Variants in NALF1 observed in about 807,000 individuals in gnomAD.
The protein encoded by NALF1 is NALCN channel auxiliary factor 1, also known as family with sequence similarity 155 member A.
A neutral mutation model predicts 48.4 loss-of-function variants in NALF1; 3 were observed. That is an observed-to-expected ratio of 0.06 (90% CI 0.03 to 0.16). The LOEUF (loss-of-function observed/expected upper bound fraction) is 0.16, where lower values mean the gene tolerates loss of function less well. NALF1 is among the 10% of genes least tolerant of loss of function. The pLI, the probability that NALF1 is intolerant of heterozygous loss-of-function variation, is 1.00. For missense variants in NALF1, 526 were observed against 571.5 expected (o/e 0.92, Z 0.81); for synonymous variants, 262 against 245.7 (o/e 1.07, Z -0.62).
At chr13:107,714,189 TC>T (rs1875681809) in intron 1 of NALF1, among the ~76,000 whole-genome samples, 1 of 152,220 alleles carries the variant, frequency 6.6e-6, no homozygotes, top group African/African-American at 2.4e-5. Context: ...ATATAAAGAA[TC>T]TTTTTCATGA....
At chr13:107,644,626 T>TATAC (rs1029539115) in intron 1 of NALF1, among the ~76,000 whole-genome samples, 18 of 124,848 alleles carry the variant, frequency 1.4e-4, no homozygotes, top group East Asian at 6.3e-4. Flanking sequence ...TGTGTGTGTG[T>TATAC]ATACATACAT....
At position 107,826,391 on chromosome 13, in the gene NALF1, C is replaced by T. The variant is rs145702566; in HGVS notation, c.915+39291G>A. 6.8e-3 allele frequency among the ~76,000 whole-genome samples: 1,040 copies of T among 152,198 alleles called. 12 individuals are homozygous for T. The highest frequency in any genetic ancestry group is 0.024 in the African/African-American group (997 of 41,506). ...GCTGACAGGGTGTTCCTCAGGAATG[C>T]CCACAGTTCAAGAGCTGCCAAGCCC... On this transcript the variant is annotated intron_variant, in intron 1 of 2. Coordinates refer to ENST00000375915, the MANE Select transcript of NALF1 (RefSeq NM_001080396.3).
chr13:107,308,781 T>C (rs1390574663), intron 1 of NALF1, among the ~76,000 whole-genome samples: 2 of 152,236 alleles, frequency 1.3e-5, no homozygotes, highest in Non-Finnish European at 2.9e-5. Flanking sequence ...AACTATTTAT[T>C]AACCACAGAT....
intron 1 of NALF1, among the ~76,000 whole-genome samples, chr13:107,850,204 C>T (rs1163219868): frequency 6.6e-6 from 1 of 152,162 alleles, no homozygotes; most frequent in Non-Finnish European, 1.5e-5. Flanking sequence ...TTGTTCACTA[C>T]CACTACCTAC....
At chr13:107,821,006 A>C (rs1050189770) in intron 1 of NALF1, among the ~76,000 whole-genome samples, 2 of 152,196 alleles carry the variant, frequency 1.3e-5, no homozygotes, top group Admixed American at 6.5e-5. Flanking sequence ...TAGAAACACA[A>C]GCACGAATTC....
intron 1 of NALF1, among the ~76,000 whole-genome samples, chr13:107,211,919 T>C (rs1327171916): frequency 2.0e-5 from 3 of 152,192 alleles, no homozygotes; most frequent in Non-Finnish European, 4.4e-5. Context: ...TACTCACATT[T>C]TGAACAGGAA....
intron 1 of NALF1, among the ~76,000 whole-genome samples, chr13:107,470,384 G>A (rs976807250): frequency 9.9e-5 from 15 of 152,182 alleles, no homozygotes; most frequent in Non-Finnish European, 4.4e-5. Context: ...TATGCATGCA[G>A]ATAGTAGAGC....
chr13:107,669,536 C>T (rs1003320122), intron 1 of NALF1, among the ~76,000 whole-genome samples: 2 of 152,062 alleles, frequency 1.3e-5, no homozygotes, highest in Admixed American at 6.6e-5. Flanking sequence ...TGAAGAAGCA[C>T]GGAGCCACTG....
In NALF1 at chr13:107,163,635, T is replaced by C. The variant is rs922538542; in HGVS notation, c.*6862A>G. On this transcript the variant is annotated 3_prime_UTR_variant, in exon 3 of 3. Transcript: ENST00000375915. ...GGAATGTTCCTTTCCACATTCTTAG[T>C]CTCTCATAATTAACTGGTTTTAGTA... 3 of 152,210 alleles carry C rather than the reference T, an allele frequency of 2.0e-5. No homozygotes were observed. Among genetic ancestry groups the C allele is most frequent in the African/African-American group, 7.2e-5 (3 of 41,444 alleles). 9.4% of individuals were successfully genotyped at this position (152,210 alleles called of 1,614,324 possible).
intron 1 of NALF1, among the ~76,000 whole-genome samples, chr13:107,668,876 T>A (rs543011783): frequency 2.0e-5 from 3 of 152,076 alleles, no homozygotes; most frequent in Non-Finnish European, 4.4e-5. Context: ...GTGAGCTTCA[T>A]AGAAGACAGA....
intron 1 of NALF1, among the ~76,000 whole-genome samples, chr13:107,215,818 CA>C (rs1209230840): frequency 2.0e-5 from 3 of 150,250 alleles, no homozygotes; most frequent in African/African-American, 7.3e-5. Context: ...CAGAACCTTT[CA>C]AAAAATGCCC....
intron 1 of NALF1, among the ~76,000 whole-genome samples, chr13:107,845,055 C>T (rs1017336856): frequency 6.6e-5 from 10 of 152,194 alleles, no homozygotes; most frequent in East Asian, 3.9e-4. Flanking sequence ...TCAGCAATTA[C>T]GCATAGGAAA....
intron 1 of NALF1, among the ~76,000 whole-genome samples, chr13:107,356,858 A>G (rs1341308996): frequency 6.6e-6 from 1 of 152,214 alleles, no homozygotes; most frequent in African/African-American, 2.4e-5. Context: ...CTAACTCACT[A>G]TGAGAAATGT....
At chr13:107,820,492 G>A (rs1242383861) in intron 1 of NALF1, among the ~76,000 whole-genome samples, 6 of 151,998 alleles carry the variant, frequency 3.9e-5, no homozygotes, top group African/African-American at 9.7e-5. Context: ...CCTTGCTACC[G>A]GCAGCTCCTA....
At chr13:107,257,056 G>C (rs576017162) in intron 1 of NALF1, among the ~76,000 whole-genome samples, 69 of 152,172 alleles carry the variant, frequency 4.5e-4, no homozygotes, top group African/African-American at 1.2e-3. Flanking sequence ...CGGAAGGGGA[G>C]GCAGGCACCT....
At chr13:107,186,539 T>C (rs910505828) in intron 2 of NALF1, among the ~76,000 whole-genome samples, 1 of 152,096 alleles carries the variant, frequency 6.6e-6, no homozygotes, top group Non-Finnish European at 1.5e-5. Context: ...AGCTAATTTT[T>C]GTAATTTTAG....
At chr13:107,495,326 T>A (rs1419817962) in intron 1 of NALF1, among the ~76,000 whole-genome samples, 1 of 152,186 alleles carries the variant, frequency 6.6e-6, no homozygotes, top group African/African-American at 2.4e-5. Flanking sequence ...CTTAGGTACT[T>A]TGATTTAGAA....
chr13:107,426,364 G>A (rs1378597061), intron 1 of NALF1, among the ~76,000 whole-genome samples: 3 of 152,036 alleles, frequency 2.0e-5, no homozygotes, highest in Non-Finnish European at 4.4e-5. Context: ...CAAGAGAACA[G>A]GCGTTGTTGA....
At chr13:107,813,050 TG>T (rs1463658640) in intron 1 of NALF1, among the ~76,000 whole-genome samples, 32 of 152,224 alleles carry the variant, frequency 2.1e-4, no homozygotes, top group African/African-American at 6.7e-4. Flanking sequence ...GCACCACGCC[TG>T]GATAACATTA....
Sources: allele counts gnomAD v4.1 joint callset (sites outside exome capture counted in the v4.1 genomes callset), GRCh38; gene constraint gnomAD v4.1.1; transcripts MANE v1.5; gene names NCBI Gene and HGNC (gene_info 2026-07-23, HGNC 2026-07-21).